CSMD1: variants seen among roughly 807,000 people sequenced by gnomAD.
CSMD1 encodes the protein CUB and Sushi multiple domains 1, also known as CUB and sushi domain-containing protein 1.
Under a neutral mutation model 417.5 loss-of-function variants are expected in CSMD1, and 213 were observed. That is an observed-to-expected ratio of 0.51 (90% CI 0.46 to 0.57). The LOEUF (loss-of-function observed/expected upper bound fraction) is 0.57, where lower values mean the gene tolerates loss of function less well. CSMD1 is among the 20% of genes least tolerant of loss of function. CSMD1 has a pLI of 0.00. For synonymous variants in CSMD1, 2,862 were observed against 1,736.8 expected, an observed-to-expected ratio of 1.65 and a Z score of -16.11; for missense variants, 6,923 against 4,529.7, an observed-to-expected ratio of 1.53 and a Z score of -15.17.
intron 38 of CSMD1, among the ~76,000 whole-genome samples, chr8:3,158,451 C>CA (rs1198481804): frequency 6.6e-6 from 1 of 152,178 alleles, no homozygotes; most frequent in Non-Finnish European, 1.5e-5. Context: ...CAGGGTTCAG[C>CA]AAAGCACTGG....
chr8:3,434,459 T>A (rs566357785), intron 12 of CSMD1, among the ~76,000 whole-genome samples: 1 of 152,184 alleles, frequency 6.6e-6, no homozygotes, highest in South Asian at 2.1e-4. Context: ...TTAAAGAAAA[T>A]AGTATCCCTG....
At chr8:4,313,671 C>T (rs968038765) in intron 3 of CSMD1, among the ~76,000 whole-genome samples, 6 of 151,900 alleles carry the variant, frequency 3.9e-5, no homozygotes, top group African/African-American at 1.5e-4. Context: ...AGAGGGAAAC[C>T]AGGAGCTCTG....
intron 4 of CSMD1, among the ~76,000 whole-genome samples, chr8:4,014,643 G>T (rs1016708065): frequency 6.6e-6 from 1 of 152,138 alleles, no homozygotes; most frequent in Non-Finnish European, 1.5e-5. Flanking sequence ...TCAGAGCCTG[G>T]GTCTTAGCAA....
intron 50 of CSMD1, among the ~76,000 whole-genome samples, chr8:3,043,984 C>T (rs1811277174): frequency 6.6e-6 from 1 of 152,144 alleles, no homozygotes; most frequent in Non-Finnish European, 1.5e-5. Flanking sequence ...TCTACAACAG[C>T]AGCTTAATGT....
chr8:3,713,344 T>A (rs1479270582), intron 6 of CSMD1, among the ~76,000 whole-genome samples: 3 of 152,194 alleles, frequency 2.0e-5, no homozygotes, highest in Admixed American at 1.3e-4. Flanking sequence ...GGCAGTGGAT[T>A]CTTATTACTG....
intron 3 of CSMD1, among the ~76,000 whole-genome samples, chr8:4,171,611 C>G (rs1614688): frequency 0.18 from 26,743 of 151,606 alleles, 2,693 homozygotes; most frequent in East Asian, 0.3. Flanking sequence ...GACGGTCCCA[C>G]TAAATTTCAC....
intron 5 of CSMD1, among the ~76,000 whole-genome samples, chr8:3,786,278 G>A (rs1159983661): frequency 6.6e-6 from 1 of 152,102 alleles, no homozygotes; most frequent in Admixed American, 6.6e-5. Context: ...ACATGGGCAT[G>A]GAGGTTAGAA....
intron 8 of CSMD1, among the ~76,000 whole-genome samples, chr8:3,609,101 CAGT>C (rs1362256640): frequency 6.6e-6 from 1 of 152,162 alleles, no homozygotes; most frequent in Non-Finnish European, 1.5e-5. Context: ...GCTTTGATAT[CAGT>C]AGGATCCAGC....
intron 5 of CSMD1, among the ~76,000 whole-genome samples, chr8:3,818,788 C>T (rs190895118): frequency 1.2e-4 from 18 of 152,258 alleles, no homozygotes; most frequent in Non-Finnish European, 1.5e-4. Context: ...CCAAAACACC[C>T]GACCTACGTC....
At chr8:4,184,155 T>C (rs973134049) in intron 3 of CSMD1, among the ~76,000 whole-genome samples, 2 of 152,084 alleles carry the variant, frequency 1.3e-5, no homozygotes, top group East Asian at 1.9e-4. Context: ...TGCATAACTA[T>C]GAAAGAAAAA....
At chr8:3,411,330 G>C (rs73657845) in intron 12 of CSMD1, among the ~76,000 whole-genome samples, 2 of 151,728 alleles carry the variant, frequency 1.3e-5, no homozygotes, top group African/African-American at 4.8e-5. Context: ...TTCTTTGTGG[G>C]GTATTTTTTA....
intron 1 of CSMD1, among the ~76,000 whole-genome samples, chr8:4,900,567 T>C (rs1804800750): frequency 6.6e-6 from 1 of 152,178 alleles, no homozygotes; most frequent in Admixed American, 6.5e-5. Context: ...CTTCTCCCAG[T>C]GCCACCTTTC....
At position 3,187,909 on chromosome 8, in the gene CSMD1, A is replaced by T; in HGVS notation, c.5580T>A (p.Asp1860Glu). The change falls in exon 36 of 70, where the codon GAT becomes GAA. Residue 1860 changes from aspartate to glutamate, a missense_variant. Physicochemically the swap from Asp to Glu is conservative, Grantham distance 45. Coordinates refer to ENST00000635120, the MANE Select transcript of CSMD1 (RefSeq NM_033225.6). Reference sequence around the variant, plus strand: ...GTCTGGGTGCGGTCACATCCCCACCATCGTGGATCTCAAGGGAGTCCCAGT... The same window carrying T: ...GTCTGGGTGCGGTCACATCCCCACCTTCGTGGATCTCAAGGGAGTCCCAGT... ...EQNWDSLEIH[D>E]GGDVTAPRLG... 1 of 1,613,376 alleles carries T rather than the reference A, an allele frequency of 6.2e-7. No homozygotes were observed. The highest frequency in any genetic ancestry group is 8.5e-7 in the Non-Finnish European group (1 of 1,179,660).
intron 37 of CSMD1, among the ~76,000 whole-genome samples, chr8:3,178,689 G>C (rs1024214420): frequency 6.6e-6 from 1 of 152,062 alleles, no homozygotes; most frequent in African/African-American, 2.4e-5. Flanking sequence ...AGTAACAAGC[G>C]GTAACAAGTT....
At chr8:3,295,377 C>T (rs138349882) in intron 25 of CSMD1, among the ~76,000 whole-genome samples, 9,560 of 152,140 alleles carry the variant, frequency 0.063, 396 homozygotes, top group South Asian at 0.14. Context: ...CCACCCGCCT[C>T]GGCCTCCCAA....
chr8:3,101,828 G>C (rs1225806134), intron 46 of CSMD1, among the ~76,000 whole-genome samples: 1 of 126,922 alleles, frequency 7.9e-6, no homozygotes, highest in Non-Finnish European at 1.6e-5. Context: ...TTTAGACAGA[G>C]TCTTGCTCTG....
intron 5 of CSMD1, among the ~76,000 whole-genome samples, chr8:3,881,462 C>A (rs1284672646): frequency 6.6e-6 from 1 of 151,516 alleles, no homozygotes; most frequent in East Asian, 1.9e-4. Context: ...TGGTGAAACC[C>A]TGTCTCTACT....
intron 37 of CSMD1, among the ~76,000 whole-genome samples, chr8:3,169,657 T>C (rs1196460088): frequency 1.3e-5 from 2 of 152,288 alleles, no homozygotes; most frequent in East Asian, 1.9e-4. Context: ...TGATGTCATG[T>C]TATTTATATT....
intron 6 of CSMD1, among the ~76,000 whole-genome samples, chr8:3,744,109 C>A (rs1288150715): frequency 6.6e-6 from 1 of 152,158 alleles, no homozygotes; most frequent in African/African-American, 2.4e-5. Flanking sequence ...TTCCCTTTGG[C>A]AAGTAAACCT....
Sources: allele counts gnomAD v4.1 joint callset (sites outside exome capture counted in the v4.1 genomes callset), GRCh38; gene constraint gnomAD v4.1.1; transcripts MANE v1.5; gene names NCBI Gene and HGNC (gene_info 2026-07-23, HGNC 2026-07-21).